NDUFS1: variants seen among roughly 807,000 people sequenced by gnomAD.
The protein encoded by NDUFS1 is NADH:ubiquinone oxidoreductase core subunit S1, also known as NADH-ubiquinone oxidoreductase 75 kDa subunit, mitochondrial.
A neutral mutation model predicts 84.4 loss-of-function variants in NDUFS1; 61 were observed. That is an observed-to-expected ratio of 0.72 (90% CI 0.59 to 0.89). The LOEUF (loss-of-function observed/expected upper bound fraction) is 0.89, where lower values mean the gene tolerates loss of function less well. Ranked by LOEUF, NDUFS1 falls within the 40% of genes least tolerant of loss-of-function variation. The pLI, the probability that NDUFS1 is intolerant of heterozygous loss-of-function variation, is 0.00. For missense variants in NDUFS1, 891 were observed against 890.0 expected, an observed-to-expected ratio of 1.00 and a Z score of -0.01; for synonymous variants, 275 against 290.0, an observed-to-expected ratio of 0.95 and a Z score of 0.53.
Position 206,115,678 on chromosome 2 carries a change from C to CT in NDUFS1, c.*8506dup. On this transcript the variant is annotated 3_prime_UTR_variant, in exon 19 of 19. Transcript: ENST00000233190. ...AGATAGTGTTGTTCTTCATCTGACACTGTACAAGCAACAAAAACTTCTTCA... is the reference window on the plus strand; with the variant it reads ...AGATAGTGTTGTTCTTCATCTGACACTTGTACAAGCAACAAAAACTTCTTCA... The CT allele has an allele frequency of 2.6e-6, 1 of 390,558 alleles. No homozygotes were observed. Among genetic ancestry groups the CT allele is most frequent in the Non-Finnish European group, 4.9e-6 (1 of 204,854 alleles). 24.2% of individuals were successfully genotyped at this position (390,558 alleles called of 1,614,324 possible).
intron 11 of NDUFS1, 96 bp downstream of exon 11, chr2:206,142,590 G>A (rs1027945280): frequency 8.9e-6 from 13 of 1,453,872 alleles, no homozygotes; most frequent in Non-Finnish European, 1.2e-5. Flanking sequence ...AAATAAACTG[G>A]GGGATATGTT....
intron 2 of NDUFS1, 141 bp from the exon 3 acceptor site, chr2:206,152,651 G>C: frequency 1.4e-6 from 1 of 699,536 alleles, no homozygotes; most frequent in Non-Finnish European, 2.6e-6. Flanking sequence ...GCAAACTTAT[G>C]GTTGTCTACT....
intron 12 of NDUFS1, among the ~76,000 whole-genome samples, chr2:206,141,020 T>C (rs1372165338): frequency 6.6e-6 from 1 of 151,308 alleles, no homozygotes; most frequent in East Asian, 1.9e-4. Flanking sequence ...ATATACAAAA[T>C]GGTATACAAA....
In NDUFS1 at chr2:206,140,629, C is replaced by T. The variant is rs188432592; in HGVS notation, c.1262+1312G>A. On this transcript the variant is annotated intron_variant, in intron 12 of 18. Transcript: ENST00000233190. ...CCAAGTAGCTGGGATTACAGGCATG[C>T]GCCACCATGCCCGGCTAATTTTGTA... Among the ~76,000 whole-genome samples, 1,435 of 151,800 alleles carry T rather than the reference C, an allele frequency of 9.5e-3. 11 individuals carry two copies. Among genetic ancestry groups the T allele is most frequent in the Middle Eastern group, 0.017 (5 of 294 alleles).
chr2:206,132,237 C>A (rs1691541176), intron 14 of NDUFS1, among the ~76,000 whole-genome samples: 1 of 152,104 alleles, frequency 6.6e-6, no homozygotes, highest in Middle Eastern at 3.2e-3. Context: ...TCCATTTCTG[C>A]ACATATCTGT....
At chr2:206,155,883 T>G (rs7567335) in intron 1 of NDUFS1, among the ~76,000 whole-genome samples, 1 of 144,786 alleles carries the variant, frequency 6.9e-6, no homozygotes, top group Non-Finnish European at 1.5e-5. Context: ...ACTTTTTGAG[T>G]TTTTTTTTTT....
In NDUFS1 at chr2:206,144,180, C is replaced by A. The variant is rs748276876; in HGVS notation, c.873-48G>T. On this transcript the variant is annotated intron_variant, in intron 9 of 18. Transcript: ENST00000233190. ...TTGTGGAATCTTGCTAAAGAAGTAA[C>A]TATAATTTTCAAGTTAAATCAACAA... 3 of 1,401,562 alleles carry A rather than the reference C, an allele frequency of 2.1e-6. No individual in the cohort carries two copies. The East Asian group carries it at 6.9e-5, about 32-fold the overall frequency. The allele number at this position is 1,401,562 out of a possible 1,614,324, so 86.8% of individuals were successfully genotyped here.
intron 7 of NDUFS1, 70 bp from the exon 8 acceptor site, chr2:206,147,158 C>G: frequency 4.1e-6 from 6 of 1,449,892 alleles, no homozygotes; most frequent in Non-Finnish European, 5.8e-6. Context: ...TTCATGATCA[C>G]AAAGAGATGA....
chr2:206,134,585 C>T (rs1320742498), intron 13 of NDUFS1, among the ~76,000 whole-genome samples: 1 of 138,860 alleles, frequency 7.2e-6, no homozygotes, highest in East Asian at 2.1e-4. Context: ...ATCTCAAAAA[C>T]AAAAAAAAAA....
intron 1 of NDUFS1, among the ~76,000 whole-genome samples, chr2:206,156,753 CATTA>C (rs1342763438): frequency 4.6e-5 from 7 of 152,254 alleles, no homozygotes; most frequent in Admixed American, 2.0e-4. Flanking sequence ...TCATAAATTT[CATTA>C]ATTAAGAATA....
Position 206,115,004 on chromosome 2 carries a change from G to A in NDUFS1, c.*9181C>T, listed in dbSNP as rs546883887. 1 of 152,202 alleles carries A rather than the reference G, an allele frequency of 6.6e-6. No individual in the cohort carries two copies. Among genetic ancestry groups the A allele is most frequent in the Admixed American group, 6.5e-5 (1 of 15,288 alleles). 9.4% of individuals were successfully genotyped at this position (152,202 alleles called of 1,614,324 possible). A position where few individuals can be genotyped will look rare whatever the true frequency, so the allele number is the denominator to read the frequency against. On this transcript the variant is annotated 3_prime_UTR_variant, in exon 19 of 19. Coordinates refer to ENST00000233190, the MANE Select transcript of NDUFS1 (RefSeq NM_005006.7). ...TAAACATCTGCATGTTTCATTTTAT[G>A]ATTATACAAAAAAATTTTTCAGCAG...
rs375368016 is a variant in NDUFS1, at chr2:206,140,791, T to A, written c.1262+1150A>T. 3.9e-5 allele frequency among the ~76,000 whole-genome samples: 6 copies of A among 152,016 alleles called. No individual in the cohort carries two copies. In the East Asian group the frequency reaches 9.7e-4, roughly 25 times the overall value. On this transcript the variant is annotated intron_variant, in intron 12 of 18. Coordinates refer to ENST00000233190, the MANE Select transcript of NDUFS1 (RefSeq NM_005006.7). ...ACCACGCCCAGCCTAAATTTCTTCA[T>A]TATTTAAGAGAATGCTCCTTGTTCT...
intron 3 of NDUFS1, among the ~76,000 whole-genome samples, chr2:206,151,095 A>C (rs889828900): frequency 1.3e-5 from 2 of 152,166 alleles, no homozygotes; most frequent in Admixed American, 6.5e-5. Context: ...CAATAATACA[A>C]AATGCTTTTT....
At position 206,149,933 on chromosome 2, in the gene NDUFS1, TAAAAAAAAAAAAA is replaced by T. The variant is rs568965659; in HGVS notation, c.154-21_154-9del. 6 of 602,020 alleles carry T rather than the reference TAAAAAAAAAAAAA, an allele frequency of 1.0e-5. No individual in the cohort carries two copies. In the African/African-American group the frequency reaches 1.0e-4, roughly 10 times the overall value. 37.3% of individuals were successfully genotyped at this position (602,020 alleles called of 1,614,324 possible). ...GCCAACCTTCTCACAAGCCTAGAAG[TAAAAAAAAAAAAA>T]AAAAAAAAAAAAGCATTAGAATAAC... On this transcript the variant is annotated splice_polypyrimidine_tract_variant and intron_variant, in intron 3 of 18. Transcript: ENST00000233190.
In NDUFS1 at chr2:206,159,393, A is replaced by G; in HGVS notation, c.-57T>C. 4.0e-6 allele frequency: 2 copies of G among 500,426 alleles called. No individual in the cohort carries two copies. Among genetic ancestry groups the G allele is most frequent in the Non-Finnish European group, 7.2e-6 (2 of 279,258 alleles). 31.0% of individuals were successfully genotyped at this position (500,426 alleles called of 1,614,324 possible). A position where few individuals can be genotyped will look rare whatever the true frequency, so the allele number is the denominator to read the frequency against. ...CTGCTAAACTGTCTGGACCACGACG[A>G]CCCCCTAGGAGGCCGGGTCGCTTAT... is the stretch of plus-strand genomic sequence containing the variant. On this transcript the variant is annotated 5_prime_UTR_variant, in exon 1 of 19. Transcript: ENST00000233190.
intron 15 of NDUFS1, among the ~76,000 whole-genome samples, chr2:206,129,644 T>C (rs1322766017): frequency 4.0e-5 from 6 of 150,546 alleles, no homozygotes; most frequent in Admixed American, 2.7e-4. Context: ...TAGGCTGGAG[T>C]ACAATGGCAT....
At chr2:206,149,569 G>A (rs939873200) in intron 4 of NDUFS1, among the ~76,000 whole-genome samples, 2 of 151,962 alleles carry the variant, frequency 1.3e-5, no homozygotes, top group Non-Finnish European at 2.9e-5. Flanking sequence ...TGGAAATACT[G>A]ACAACTATAA....
At chr2:206,133,552 G>C (rs567590786) in intron 13 of NDUFS1, among the ~76,000 whole-genome samples, 1 of 152,298 alleles carries the variant, frequency 6.6e-6, no homozygotes, top group South Asian at 2.1e-4. Flanking sequence ...ATGATCACCA[G>C]ATCACAATGT....
chr2:206,129,971 G>C (rs983642780), intron 15 of NDUFS1, 117 bp downstream of exon 15: 3 of 1,199,652 alleles, frequency 2.5e-6, no homozygotes, highest in Non-Finnish European at 3.7e-6. Flanking sequence ...AGGAGGAGTG[G>C]GGGAGGCAAA....
Sources: allele counts gnomAD v4.1 joint callset (sites outside exome capture counted in the v4.1 genomes callset), GRCh38; gene constraint gnomAD v4.1.1; transcripts MANE v1.5; gene names NCBI Gene and HGNC (gene_info 2026-07-23, HGNC 2026-07-21).